The following XPO5 variants were observed in gnomAD, a reference collection of about 807,000 sequenced individuals.
XPO5 encodes the protein exportin-5.
Under a neutral mutation model 160.6 loss-of-function variants are expected in XPO5, and 46 were observed. That is an observed-to-expected ratio of 0.29 (90% CI 0.23 to 0.37). The LOEUF is 0.37. Ranked by LOEUF, XPO5 falls within the 10% of genes least tolerant of loss-of-function variation. XPO5 has a pLI of 1.00. For synonymous variants in XPO5, 537 were observed against 519.3 expected (o/e 1.03, Z -0.46); for missense variants, 1,090 against 1,463.9 (o/e 0.74, Z 4.17).
At chr6:43,555,433 T>TA (rs1313101030) in intron 13 of XPO5, 1 of 156,978 alleles carries the variant, frequency 6.4e-6, no homozygotes, top group African/African-American at 2.4e-5. Flanking sequence ...TTATTCCTGT[T>TA]ATGTCTAACA....
intron 13 of XPO5, 129 bp downstream of exon 13, chr6:43,555,707 T>G (rs764526245): frequency 2.4e-5 from 28 of 1,155,850 alleles, no homozygotes; most frequent in Non-Finnish European, 3.2e-5. Flanking sequence ...CTCTCCAGGA[T>G]GAGCAAAGCT....
At chr6:43,571,799 G>A (rs1383673328) in intron 3 of XPO5, among the ~76,000 whole-genome samples, 1 of 148,412 alleles carries the variant, frequency 6.7e-6, no homozygotes, top group African/African-American at 2.5e-5. Context: ...CAGAGACTCT[G>A]TCTCAAAAAA....
intron 22 of XPO5, among the ~76,000 whole-genome samples, chr6:43,531,072 T>G (rs572637335): frequency 2.0e-5 from 3 of 152,208 alleles, no homozygotes; most frequent in Admixed American, 6.5e-5. Context: ...CTTGGCTGAT[T>G]AGTGTAGTGG....
At chr6:43,575,309 G>A (rs1763245594) in intron 1 of XPO5, among the ~76,000 whole-genome samples, 1 of 152,320 alleles carries the variant, frequency 6.6e-6, no homozygotes, top group African/African-American at 2.4e-5. Flanking sequence ...GCTGGAGCTC[G>A]GTCAGGGCCA....
At chr6:43,552,121 G>A (rs531877996) in intron 14 of XPO5, among the ~76,000 whole-genome samples, 3 of 151,996 alleles carry the variant, frequency 2.0e-5, no homozygotes, top group South Asian at 2.1e-4. Flanking sequence ...GCAATGGCAC[G>A]ATCTCAGCTC....
rs552471916 is a variant in XPO5 at position 43,524,338 on chromosome 6, G to A, written c.3477+133C>T. ...CTGCACTCCAGCCTGGGCAACAAGA[G>A]TGAAACCCCATCTCAAAAAAAAAAA... is the stretch of plus-strand genomic sequence containing the variant. On this transcript the variant is annotated intron_variant, in intron 31 of 31. Transcript: ENST00000265351. 1.1e-5 allele frequency: 13 copies of A among 1,232,154 alleles called. No individual in the cohort carries two copies. The South Asian group carries it at 2.1e-4, about 20-fold the overall frequency. The allele number at this position is 1,232,154 out of a possible 1,614,324, so 76.3% of individuals were successfully genotyped here. A position where few individuals can be genotyped will look rare whatever the true frequency, so the allele number is the denominator to read the frequency against.
At chr6:43,525,418 G>T in intron 28 of XPO5, 1 of 576,478 alleles carries the variant, frequency 1.7e-6, no homozygotes, top group Non-Finnish European at 3.0e-6. Context: ...GACTACAGGT[G>T]TGTGCCACCA....
intron 23 of XPO5, 143 bp from the exon 24 acceptor site, chr6:43,529,068 TAA>T (rs1469687718): frequency 9.0e-7 from 1 of 1,107,526 alleles, no homozygotes; most frequent in Non-Finnish European, 1.3e-6. Context: ...GAAAAAATCT[TAA>T]AGTTCTTTTC....
At position 43,567,246 on chromosome 6, in the gene XPO5, T is replaced by G. The variant is rs570153052; in HGVS notation, c.757A>C (p.Ile253Leu). ...TGTTCATTCAACAGCAAACACAGTA[T>G]CTCCAGGAGTTTACAGTTTTCAGCA... ...ITAENCKLLE[I>L]LCLLLNEQEL... Residue 253 changes from isoleucine (I) to leucine (L), a missense_variant, in exon 7 of 32, where the codon ATA (isoleucine) becomes CTA (leucine). Physicochemically the swap from Ile to Leu is conservative, Grantham distance 5. This residue lies in a region of XPO5 where 110 missense variants were observed against 97.9 expected (regional missense o/e 1.12). Transcript: ENST00000265351. 8 of 1,613,938 alleles carry G rather than the reference T, an allele frequency of 5.0e-6. No individual in the cohort carries two copies. The African/African-American group carries it at 5.3e-5, about 11-fold the overall frequency.
chr6:43,556,191 T>C (rs986864029), intron 12 of XPO5: 12 of 471,350 alleles, frequency 2.5e-5, no homozygotes, highest in South Asian at 6.4e-5. Context: ...ATCCTGTAAG[T>C]GGCAAACTAA....
chr6:43,557,047 G>A (rs1041285745), intron 12 of XPO5, among the ~76,000 whole-genome samples: 2 of 149,170 alleles, frequency 1.3e-5, no homozygotes, highest in Non-Finnish European at 2.9e-5. Flanking sequence ...AAAATCGCTT[G>A]AACCTCAGAG....
rs1762745683 is a variant in XPO5 at position 43,567,325 on chromosome 6, T to C, written c.678A>G (p.Ala226=). 2 of 1,610,378 alleles carry C rather than the reference T, an allele frequency of 1.2e-6. No homozygotes were observed. Among genetic ancestry groups the C allele is most frequent in the Non-Finnish European group, 1.7e-6 (2 of 1,178,736 alleles). The part of the protein sequence containing the change: ...KAQANCRVGV[A]ALNTLAGYID... ...TATAGCCTGCTAGAGTATTCAGTGC[T>C]GCAACTCCTACTCGACAGTTTGCTT... Residue 226 remains alanine, a synonymous_variant, in exon 7 of 32, where the codon GCA becomes GCG. Transcript: ENST00000265351.
intron 20 of XPO5, chr6:43,539,826 GT>G (rs1274562029): frequency 1.5e-5 from 8 of 526,414 alleles, no homozygotes; most frequent in Non-Finnish European, 6.6e-6. Context: ...TAGGCCTGGA[GT>G]TTTTTGGTCT....
chr6:43,529,266 G>A, intron 23 of XPO5: 4 of 1,359,546 alleles, frequency 2.9e-6, no homozygotes, highest in Non-Finnish European at 3.9e-6. Flanking sequence ...AGATTTGCTG[G>A]CTGCGGTGGC....
In XPO5 at chr6:43,570,930, T is replaced by C. The variant is rs958921692; in HGVS notation, c.365A>G (p.Glu122Gly). 1 of 1,613,714 alleles carries C rather than the reference T, an allele frequency of 6.2e-7. No homozygotes were observed. Among genetic ancestry groups the C allele is most frequent in the African/African-American group, 1.3e-5 (1 of 74,910 alleles). ...IKDALSRIVV[E>G]MIKREWPQHW... ...CTGTGGCCACTCTCGCTTGATCATT[T>C]CCACTACAATTCGAGACAGAGCATC... The change falls in exon 4 of 32, where the codon GAA (glutamate) becomes GGA (glycine). Residue 122 changes from glutamate (E) to glycine (G), a missense_variant. Physicochemically the swap from Glu to Gly is moderately conservative, Grantham distance 98. This residue lies in a region of XPO5 where 170 missense variants were observed against 227.0 expected (regional missense o/e 0.75). Coordinates refer to ENST00000265351, the MANE Select transcript of XPO5 (RefSeq NM_020750.3).
Position 43,523,521 on chromosome 6 carries a change from G to C in XPO5, c.*347C>G. 2.3e-6 allele frequency: 1 copy of C among 443,470 alleles called. No homozygotes were observed. Among genetic ancestry groups the C allele is most frequent in the Non-Finnish European group, 4.4e-6 (1 of 225,982 alleles). 27.5% of individuals were successfully genotyped at this position (443,470 alleles called of 1,614,324 possible). On this transcript the variant is annotated 3_prime_UTR_variant, in exon 32 of 32. Coordinates refer to ENST00000265351, the MANE Select transcript of XPO5 (RefSeq NM_020750.3). ...CGCAGGGTTGGGCACAGCACCCTTA[G>C]TTACCATTCTGTACAGGTATGTGGC...
rs61739889 is a variant in XPO5 at position 43,551,437 on chromosome 6, T to C, written c.1589A>G (p.Asp530Gly). The change falls in exon 15 of 32, where the codon GAT becomes GGT. Residue 530 changes from aspartate to glycine, a missense_variant. Physicochemically the swap from Asp to Gly is moderately conservative, Grantham distance 94. This residue lies in a region of XPO5 where 810 missense variants were observed against 1,139.0 expected (regional missense o/e 0.71). Transcript: ENST00000265351. The stretch of plus-strand genomic sequence containing the variant: ...AACCATCTGCAATAGCTCTATTCCA[T>C]CATTAACAGGAATTTCCTGTAACAA... ...TLNREEIPVN[D>G]GIELLQMVLN... is the part of the protein sequence containing the mutation. 2,109 of 1,612,708 alleles carry C rather than the reference T, an allele frequency of 1.3e-3. 18 individuals are homozygous for C. The African/African-American group carries it at 0.022, about 17-fold the overall frequency.
In XPO5 at chr6:43,575,926, C is replaced by T. The variant is rs201292017; in HGVS notation, c.-62G>A. On this transcript the variant is annotated 5_prime_UTR_variant, in exon 1 of 32. Coordinates refer to ENST00000265351, the MANE Select transcript of XPO5 (RefSeq NM_020750.3). ...GTCCCGGGACCACGAGGCACGACAG[C>T]TCCCTCGGCGAGACCACCCGTTGGT... 1.9e-5 allele frequency: 29 copies of T among 1,540,720 alleles called. No homozygotes were observed. Among genetic ancestry groups the T allele is most frequent in the Middle Eastern group, 1.7e-4 (1 of 5,930 alleles).
intron 13 of XPO5, chr6:43,553,717 GC>G (rs1761852001): frequency 1.0e-6 from 1 of 992,966 alleles, no homozygotes; most frequent in Admixed American, 3.6e-5. Flanking sequence ...TTCCTACCAT[GC>G]CTCCTCCTCC....
Sources: gnomAD v4.1 joint callset for allele counts (sites outside exome capture counted in the v4.1 genomes callset) on GRCh38, gnomAD v4.1.1 for gene constraint, gnomAD v4.1.1 regional missense constraint, MANE v1.5 for transcripts, NCBI Gene and HGNC (gene_info 2026-07-23, HGNC 2026-07-21) for gene names.